FGD3: variants seen among roughly 807,000 people sequenced by gnomAD.
FGD3 encodes FYVE, RhoGEF and PH domain containing 3.
Under a neutral mutation model 71.8 loss-of-function variants are expected in FGD3, and 45 were observed. The ratio of observed to expected loss-of-function variants is 0.63; its 90% confidence interval spans 0.49 to 0.80. FGD3 has a LOEUF of 0.80. FGD3 is among the 30% of genes least tolerant of loss of function. FGD3 has a pLI of 0.00. For synonymous variants in FGD3, 378 were observed against 392.8 expected (o/e 0.96, Z 0.44); for missense variants, 844 against 951.5 (o/e 0.89, Z 1.49).
Position 93,034,647 on chromosome 9 carries a change from A to T in FGD3, c.1892A>T (p.Asp631Val), listed in dbSNP as rs1862518163. The T allele has an allele frequency of 6.2e-7, 1 of 1,613,178 alleles. No homozygotes were observed. Among genetic ancestry groups the T allele is most frequent in the African/African-American group, 1.3e-5 (1 of 74,870 alleles). The change falls in exon 17 of 18, where the codon GAT becomes GTT. Residue 631 changes from aspartate to valine, a missense_variant. By Grantham distance (152) the Asp-to-Val change is radical. Transcript: ENST00000375482. ...GTGTGGGCCGCCATCCCCATGTCAG[A>T]TCCCCAGGTGCTGCACCTGCAGGGA... ...SEVWAAIPMSDPQVLHLQGGS... is the reference protein window; with the variant it reads ...SEVWAAIPMSVPQVLHLQGGS...
intron 3 of FGD3, among the ~76,000 whole-genome samples, chr9:92,982,994 GA>G (rs1860053391): frequency 1.3e-5 from 2 of 152,046 alleles, no homozygotes; most frequent in African/African-American, 2.4e-5. Context: ...GCTGAGGCAG[GA>G]GAATTGCTTG....
At chr9:92,971,076 C>T in intron 1 of FGD3, among the ~76,000 whole-genome samples, 1 of 152,166 alleles carries the variant, frequency 6.6e-6, no homozygotes, top group African/African-American at 2.4e-5. Flanking sequence ...CCCAGGTTGC[C>T]CCCACCAAGG....
chr9:93,023,830 G>T, intron 14 of FGD3, among the ~76,000 whole-genome samples: 1 of 132,968 alleles, frequency 7.5e-6, no homozygotes. Context: ...TTGAGACGGA[G>T]TCGCTCTGTC....
chr9:92,969,512 C>A lies in FGD3; in HGVS notation c.-217-5726C>A, dbSNP rs531368811. On this transcript the variant is annotated intron_variant, in intron 1 of 17. Coordinates refer to ENST00000375482, the MANE Select transcript of FGD3 (RefSeq NM_001083536.2). The surrounding 1 kb of genome is among the most constrained non-coding windows in gnomAD (Gnocchi z 4.5). ...GGCAGTTTAAAAACCACCACTAACG[C>A]GTTTGTTGCTCCCCCTACATAACAT... is the stretch of plus-strand genomic sequence containing the variant. Among the ~76,000 whole-genome samples the A allele has an allele frequency of 5.4e-4, 82 of 152,320 alleles. No homozygotes were observed. The highest frequency in any genetic ancestry group is 1.9e-3 in the African/African-American group (79 of 41,572).
At chr9:92,976,104 TG>T (rs1240544941) in intron 2 of FGD3, 103 bp from the exon 3 acceptor site, 10 of 665,592 alleles carry the variant, frequency 1.5e-5, no homozygotes, top group East Asian at 2.8e-5. Context: ...AGGCTTTCGG[TG>T]GGGGGCGGAG....
At chr9:92,950,358 A>G (rs1858932236) in intron 1 of FGD3, among the ~76,000 whole-genome samples, 1 of 151,716 alleles carries the variant, frequency 6.6e-6, no homozygotes, top group Non-Finnish European at 1.5e-5. Flanking sequence ...CAGAGGTTGC[A>G]GTGAGCTGAG....
chr9:92,990,341 C>CA (rs1420451681), intron 3 of FGD3, among the ~76,000 whole-genome samples: 1 of 152,010 alleles, frequency 6.6e-6, no homozygotes, highest in Non-Finnish European at 1.5e-5. Context: ...ATCAAAAAAA[C>CA]AAAAAAGATT....
At chr9:92,950,840 C>T (rs1195334460) in intron 1 of FGD3, among the ~76,000 whole-genome samples, 2 of 152,220 alleles carry the variant, frequency 1.3e-5, no homozygotes, top group South Asian at 2.1e-4. Flanking sequence ...GACCTGGGGA[C>T]GGCTCAGGGA....
At chr9:92,982,769 T>G (rs1475018841) in intron 3 of FGD3, among the ~76,000 whole-genome samples, 3 of 152,158 alleles carry the variant, frequency 2.0e-5, no homozygotes, top group Non-Finnish European at 2.9e-5. Flanking sequence ...GAGCACCTGT[T>G]AGAGTCCTAT....
At chr9:92,952,391 C>G (rs944406893) in intron 1 of FGD3, among the ~76,000 whole-genome samples, 1 of 152,104 alleles carries the variant, frequency 6.6e-6, no homozygotes, top group Non-Finnish European at 1.5e-5. Context: ...CACCCGCCAC[C>G]ACGCCCGGCT....
At chr9:92,966,891 A>G (rs1287757034) in intron 1 of FGD3, among the ~76,000 whole-genome samples, 2 of 152,244 alleles carry the variant, frequency 1.3e-5, no homozygotes, top group East Asian at 1.9e-4. Context: ...ATATGTTTAA[A>G]AAAAGTTTTC....
chr9:93,032,343 C>T lies in FGD3; in HGVS notation c.1681-426C>T, dbSNP rs190890731. On this transcript the variant is annotated intron_variant, in intron 15 of 17. Coordinates refer to ENST00000375482, the MANE Select transcript of FGD3 (RefSeq NM_001083536.2). ...TGCAAGGATTCCAATTTCTCCACAT[C>T]CGTGCCAACACTATTTTCTTTTTGT... is the stretch of plus-strand genomic sequence containing the variant. The T allele has an allele frequency of 3.3e-4, 63 of 189,838 alleles. 2 individuals are homozygous for T. Among genetic ancestry groups the T allele is most frequent in the Admixed American group, 3.1e-3 (58 of 18,830 alleles). The allele number at this position is 189,838 out of a possible 1,614,324, so 11.8% of individuals were successfully genotyped here.
intron 8 of FGD3, among the ~76,000 whole-genome samples, chr9:93,013,383 G>A (rs1292243913): frequency 6.6e-6 from 1 of 152,232 alleles, no homozygotes; most frequent in African/African-American, 2.4e-5. Context: ...CAGAGCTGAA[G>A]CATGAGCTTT....
chr9:93,023,795 CTTTTTTTTTTTTTTTT>C, intron 14 of FGD3, among the ~76,000 whole-genome samples: 1 of 107,688 alleles, frequency 9.3e-6, no homozygotes, highest in South Asian at 3.0e-4. Context: ...CCATCAGCAA[CTTTTTTTTTTTTTTTT>C]TTTTTTTTTT....
chr9:93,016,785 A>G (rs910427353), intron 10 of FGD3, among the ~76,000 whole-genome samples: 102 of 151,042 alleles, frequency 6.8e-4, no homozygotes, highest in African/African-American at 2.3e-3. Context: ...CACCACGCCC[A>G]GCTAATTTTT....
chr9:93,019,068 C>T (rs747794217), intron 11 of FGD3, among the ~76,000 whole-genome samples: 4 of 152,140 alleles, frequency 2.6e-5, no homozygotes, highest in Admixed American at 6.5e-5. Context: ...AGGCTGGTCT[C>T]GAACTCTTGA....
intron 1 of FGD3, among the ~76,000 whole-genome samples, chr9:92,952,258 A>G (rs1428558582): frequency 1.5e-5 from 2 of 133,900 alleles, no homozygotes; most frequent in Non-Finnish European, 3.1e-5. Flanking sequence ...TTTTTTGGAG[A>G]TAGAGTCTTG....
chr9:93,028,535 C>T (rs529190779), intron 14 of FGD3, among the ~76,000 whole-genome samples: 25 of 152,290 alleles, frequency 1.6e-4, no homozygotes, highest in African/African-American at 5.8e-4. Flanking sequence ...GGCACCTCCT[C>T]CCCAGAGAGG....
At chr9:92,997,174 A>G (rs1860679882) in intron 3 of FGD3, among the ~76,000 whole-genome samples, 1 of 152,146 alleles carries the variant, frequency 6.6e-6, no homozygotes, top group Non-Finnish European at 1.5e-5. Context: ...TTGGGTGCAT[A>G]TATATTTAGG....
Sources: gnomAD v4.1 joint callset for allele counts (sites outside exome capture counted in the v4.1 genomes callset) on GRCh38, gnomAD v4.1.1 for gene constraint, Gnocchi (gnomAD v3.1) non-coding constraint, MANE v1.5 for transcripts, NCBI Gene and HGNC (gene_info 2026-07-23, HGNC 2026-07-21) for gene names.